Variants in YES1 observed in about 807,000 individuals in gnomAD.
YES1 encodes YES proto-oncogene 1, Src family tyrosine kinase.
In YES1, 39 loss-of-function variants were observed where a neutral mutation model predicts 70.4. That is an observed-to-expected ratio of 0.55 (90% CI 0.43 to 0.72). YES1 has a LOEUF of 0.72. YES1 is among the 30% of genes least tolerant of loss of function. YES1 has a pLI of 0.00. For synonymous variants in YES1, 198 were observed against 218.6 expected, an observed-to-expected ratio of 0.91 and a Z score of 0.83; for missense variants, 495 against 644.8, an observed-to-expected ratio of 0.77 and a Z score of 2.52.
intron 6 of YES1, among the ~76,000 whole-genome samples, chr18:744,393 TC>T (rs2080253164): frequency 8.6e-6 from 1 of 116,466 alleles, no homozygotes; most frequent in Admixed American, 9.6e-5. Flanking sequence ...GGAGATTTTT[TC>T]TTTTTTTTTT....
intron 1 of YES1, among the ~76,000 whole-genome samples, chr18:805,801 A>G (rs1173992346): frequency 6.6e-6 from 1 of 152,252 alleles, no homozygotes; most frequent in Non-Finnish European, 1.5e-5. Context: ...AATGTGAAGT[A>G]TTAACTTATA....
At chr18:729,642 T>C (rs904411713) in intron 11 of YES1, among the ~76,000 whole-genome samples, 40 of 145,070 alleles carry the variant, frequency 2.8e-4, no homozygotes, top group African/African-American at 1.0e-3. Context: ...TTTTTTTTTT[T>C]TTGAGACAGA....
At chr18:762,627 G>A (rs1904652453) in intron 1 of YES1, among the ~76,000 whole-genome samples, 1 of 151,950 alleles carries the variant, frequency 6.6e-6, no homozygotes, top group South Asian at 2.1e-4. Flanking sequence ...CATACATTAT[G>A]GGATTAAAAA....
In YES1 at chr18:745,809, T is replaced by C. The variant is rs2080273123; in HGVS notation, c.623A>G (p.Asn208Ser). The C allele has an allele frequency of 2.5e-6, 4 of 1,613,084 alleles. No homozygotes were observed. Among genetic ancestry groups the C allele is most frequent in the South Asian group, 1.1e-5 (1 of 91,034 alleles). The change falls in exon 6 of 12, where the codon AAT becomes AGT. Residue 208 changes from asparagine to serine, a missense_variant. Around this residue, in one of 2 missense-constraint regions of YES1, gnomAD observed 385 missense variants for 540.9 expected, o/e 0.71. Coordinates refer to ENST00000314574, the MANE Select transcript of YES1 (RefSeq NM_005433.4). ...IRDWDEIRGDNVKHYKIRKLD... is the reference protein window; with the variant it reads ...IRDWDEIRGDSVKHYKIRKLD... Reference sequence around the variant, plus strand: ...TTTCCTAATTTTGTAGTGTTTCACATTGTCACCCCTTATCTCATCCCAATC... The same window carrying C: ...TTTCCTAATTTTGTAGTGTTTCACACTGTCACCCCTTATCTCATCCCAATC...
chr18:746,900 G>C (rs983255360), intron 4 of YES1, among the ~76,000 whole-genome samples: 1 of 152,082 alleles, frequency 6.6e-6, no homozygotes, highest in Non-Finnish European at 1.5e-5. Flanking sequence ...CTCTACATAT[G>C]TATGTGTGTG....
chr18:724,878 A>G (rs1325015162), intron 11 of YES1, among the ~76,000 whole-genome samples: 1 of 152,212 alleles, frequency 6.6e-6, no homozygotes. Context: ...AATGTCTTCA[A>G]AAGCCAACCC....
chr18:743,474 T>C, intron 6 of YES1, 59 bp from the exon 7 acceptor site: 2 of 1,362,522 alleles, frequency 1.5e-6, no homozygotes, highest in Non-Finnish European at 2.0e-6. Context: ...GGGCATATAG[T>C]GTATCAATGT....
intron 1 of YES1, among the ~76,000 whole-genome samples, chr18:805,091 A>G (rs1467914542): frequency 6.6e-6 from 1 of 152,182 alleles, no homozygotes. Context: ...TTAAAATTTT[A>G]TCAATACGGT....
chr18:774,919 C>T (rs1034632552), intron 1 of YES1: 8 of 152,398 alleles, frequency 5.2e-5, no homozygotes, highest in Non-Finnish European at 8.8e-5. Flanking sequence ...ACTTGCCTCA[C>T]TTCTGCTACA....
chr18:792,063 TA>T (rs902906369), intron 1 of YES1, among the ~76,000 whole-genome samples: 15 of 151,828 alleles, frequency 9.9e-5, no homozygotes, highest in African/African-American at 3.4e-4. Context: ...GCTTTTCTAC[TA>T]AAAAAAATAG....
chr18:752,329 T>C (rs1029347868), intron 2 of YES1, among the ~76,000 whole-genome samples: 3 of 152,152 alleles, frequency 2.0e-5, no homozygotes, highest in Non-Finnish European at 4.4e-5. Flanking sequence ...AGGTTGGTTT[T>C]GAACTCCTGG....
intron 1 of YES1, among the ~76,000 whole-genome samples, chr18:789,736 A>G (rs1057457783): frequency 4.3e-4 from 65 of 152,214 alleles, no homozygotes; most frequent in Admixed American, 1.2e-3. Context: ...GGAATTTAGG[A>G]GCAAACAAAA....
chr18:747,265 T>C lies in YES1; in HGVS notation c.470+655A>G, dbSNP rs551981343. Among the ~76,000 whole-genome samples the C allele has an allele frequency of 1.1e-3, 165 of 151,986 alleles. 1 individual carries two copies. Among genetic ancestry groups the C allele is most frequent in the Admixed American group, 2.2e-3 (34 of 15,268 alleles). On this transcript the variant is annotated intron_variant, in intron 4 of 11. Transcript: ENST00000314574. The stretch of plus-strand genomic sequence containing the variant: ...CGGGTGGATCACTTGAGGTCAGGAG[T>C]TTGAGACCAGCCTGGCCAATAGGCG...
chr18:736,745 T>G (rs1166603915), intron 10 of YES1, 63 bp downstream of exon 10: 44 of 1,560,090 alleles, frequency 2.8e-5, no homozygotes, highest in Non-Finnish European at 3.7e-5. Context: ...AAACCCTGTA[T>G]AGTCAAGAGA....
At position 754,725 on chromosome 18, in the gene YES1, A is replaced by C. The variant is rs180973597; in HGVS notation, c.271+1832T>G. ...AGACTCCAACTCCAAAAAAAAAAAA[A>C]AAAAATCTCAGCTCAAATGATTTCT... On this transcript the variant is annotated intron_variant, in intron 2 of 11. Transcript: ENST00000314574. 1.6e-3 allele frequency among the ~76,000 whole-genome samples: 238 copies of C among 152,150 alleles called. 1 individual carries two copies. The highest frequency in any genetic ancestry group is 5.4e-3 in the African/African-American group (223 of 41,518).
rs1203739939 is a variant in YES1, at chr18:739,824, G to A, written c.1061-13C>T. 1.9e-6 allele frequency: 3 copies of A among 1,594,650 alleles called. No individual in the cohort carries two copies. The Admixed American group carries it at 5.2e-5, about 28-fold the overall frequency. On this transcript the variant is annotated splice_polypyrimidine_tract_variant and intron_variant, in intron 8 of 11. Coordinates refer to ENST00000314574, the MANE Select transcript of YES1 (RefSeq NM_005433.4). ...TCTAATAAGCTTCCTGTAACAGACA[G>A]CAAGATATTCATAAAAAATAAGCAA...
chr18:799,152 A>G (rs1371257639), intron 1 of YES1, among the ~76,000 whole-genome samples: 1 of 152,170 alleles, frequency 6.6e-6, no homozygotes. Flanking sequence ...TATTCTAACC[A>G]CATTTGTAGA....
intron 1 of YES1, among the ~76,000 whole-genome samples, chr18:809,988 G>A (rs552110304): frequency 1.1e-4 from 17 of 148,560 alleles, no homozygotes; most frequent in African/African-American, 4.0e-4. Context: ...CTATTTTTAC[G>A]TTCACAGAAT....
chr18:810,763 G>T (rs972191680), intron 1 of YES1, among the ~76,000 whole-genome samples: 2 of 152,048 alleles, frequency 1.3e-5, no homozygotes, highest in Admixed American at 6.6e-5. Context: ...TGTGGCAGGG[G>T]TCTCACACTT....
Sources: allele counts gnomAD v4.1 joint callset (sites outside exome capture counted in the v4.1 genomes callset), GRCh38; gene constraint gnomAD v4.1.1; regional missense constraint gnomAD v4.1.1; transcripts MANE v1.5; gene names NCBI Gene and HGNC (gene_info 2026-07-23, HGNC 2026-07-21).